AKAP12: variants seen among roughly 807,000 people sequenced by gnomAD.
AKAP12 encodes A-kinase anchoring protein 12.
A neutral mutation model predicts 79.9 loss-of-function variants in AKAP12; 32 were observed. The ratio of observed to expected loss-of-function variants is 0.40; its 90% CI spans 0.30 to 0.54. The LOEUF (loss-of-function observed/expected upper bound fraction) is 0.54. Ranked by LOEUF, AKAP12 falls within the 20% of genes least tolerant of loss-of-function variation. The pLI, the probability that AKAP12 is intolerant of heterozygous loss-of-function variation, is 0.48. For missense variants in AKAP12, 2,074 were observed against 2,177.0 expected (o/e 0.95, Z 0.94); for synonymous variants, 808 against 857.0 (o/e 0.94, Z 1.00).
intron 3 of AKAP12, among the ~76,000 whole-genome samples, chr6:151,334,909 C>T (rs1309111970): frequency 6.6e-6 from 1 of 152,084 alleles, no homozygotes; most frequent in African/African-American, 2.4e-5. Flanking sequence ...AGGCGTGAAC[C>T]GCCGCGCCCG....
intron 2 of AKAP12, among the ~76,000 whole-genome samples, chr6:151,264,429 G>T (rs1196891928): frequency 6.7e-6 from 1 of 150,180 alleles, no homozygotes; most frequent in Non-Finnish European, 1.5e-5. Context: ...CCAGCACTTT[G>T]GGAGGCCGAG....
rs1420648966 is a variant in AKAP12, at chr6:151,240,681, C to T, written c.119C>T (p.Thr40Ile). ...GGPSAEAAPDTTADPAIAASD... is the reference protein window; with the variant it reads ...GGPSAEAAPDITADPAIAASD... ...CCCTCGGCCGAGGCGGCGCCAGACACCACCGCGGACCCCGCCATCGCTGCC... is the reference window on the plus strand; with the variant it reads ...CCCTCGGCCGAGGCGGCGCCAGACATCACCGCGGACCCCGCCATCGCTGCC... Residue 40 changes from threonine to isoleucine, a missense_variant, in exon 2 of 5, where the codon ACC (threonine) becomes ATC (isoleucine). Physicochemically the swap from Thr to Ile is moderately conservative, Grantham distance 89. Transcript: ENST00000402676. The T allele has an allele frequency of 7.8e-7, 1 of 1,290,106 alleles. No individual in the cohort carries two copies. Among genetic ancestry groups the T allele is most frequent in the East Asian group, 3.2e-5 (1 of 31,646 alleles). 79.9% of individuals were successfully genotyped at this position (1,290,106 alleles called of 1,614,324 possible).
chr6:151,350,329 C>T lies in AKAP12; in HGVS notation c.1938C>T (p.Thr646=), dbSNP rs778301973. ...DKVKSATLSS[T]ESTASEMQEE... is the part of the protein sequence containing the mutation. ...TCAAGAGCGCTACCTTGTCTTCCAC[C>T]GAGAGCACAGCCTCTGAAATGCAAG... The change falls in exon 4 of 5, where the codon ACC becomes ACT. Residue 646 remains threonine, a synonymous_variant. Coordinates refer to ENST00000402676, the MANE Select transcript of AKAP12 (RefSeq NM_005100.4). This position sits in a 1 kb window ranked among gnomAD's most constrained non-coding sequence, Gnocchi z 4.8. 1.1e-5 allele frequency: 18 copies of T among 1,613,566 alleles called. No homozygotes were observed. Among genetic ancestry groups the T allele is most frequent in the Middle Eastern group, 1.6e-4 (1 of 6,084 alleles).
intron 3 of AKAP12, among the ~76,000 whole-genome samples, chr6:151,331,760 C>T (rs1335357069): frequency 6.6e-6 from 1 of 151,602 alleles, no homozygotes. Context: ...TGGCAGGCAC[C>T]TGTAGTCCCA....
chr6:151,348,006 T>C (rs143612067), intron 3 of AKAP12, among the ~76,000 whole-genome samples: 2,128 of 130,420 alleles, frequency 0.016, 43 homozygotes, highest in African/African-American at 0.052. Context: ...CCCGTCTCTA[T>C]ACTAAAAATA....
chr6:151,338,948 T>G (rs896900850), intron 3 of AKAP12, among the ~76,000 whole-genome samples: 90 of 152,230 alleles, frequency 5.9e-4, no homozygotes, highest in African/African-American at 2.1e-3. Context: ...ATTTAGCACT[T>G]TAGCACCCAT....
chr6:151,290,066 C>T (rs1037159914), intron 2 of AKAP12, among the ~76,000 whole-genome samples: 2 of 152,192 alleles, frequency 1.3e-5, no homozygotes, highest in Non-Finnish European at 1.5e-5. Context: ...TGGAAGCTTC[C>T]TTTTGAGACT....
intron 3 of AKAP12, among the ~76,000 whole-genome samples, chr6:151,342,469 A>T (rs565643196): frequency 2.6e-4 from 40 of 152,280 alleles, no homozygotes; most frequent in African/African-American, 8.9e-4. Context: ...TAGAAGCGGT[A>T]TTTTAGGAGG....
intron 2 of AKAP12, among the ~76,000 whole-genome samples, chr6:151,256,304 G>T (rs1170566714): frequency 6.6e-6 from 1 of 152,172 alleles, no homozygotes; most frequent in Non-Finnish European, 1.5e-5. Flanking sequence ...GAAATGGAAT[G>T]TGCATCTTTA....
chr6:151,352,773 A>T lies in AKAP12; in HGVS notation c.4382A>T (p.Asn1461Ile), dbSNP rs756294953. ...LVLEEKSSEK[N>I]EDFAAHPGED... is the part of the protein sequence containing the mutation. ...CTGGAAGAGAAATCCTCTGAAAAAA[A>T]TGAAGACTTTGCCGCTCATCCAGGG... The change falls in exon 4 of 5, where the codon AAT (asparagine) becomes ATT (isoleucine). Residue 1461 changes from asparagine (N) to isoleucine (I), a missense_variant. By Grantham distance (149) the Asn-to-Ile change is moderately radical. Transcript: ENST00000402676. 2.4e-5 allele frequency: 38 copies of T among 1,614,202 alleles called. No homozygotes were observed. The highest frequency in any genetic ancestry group is 3.2e-5 in the Non-Finnish European group (38 of 1,180,034).
chr6:151,321,727 T>C (rs533799679), intron 3 of AKAP12, among the ~76,000 whole-genome samples: 65 of 152,208 alleles, frequency 4.3e-4, no homozygotes, highest in African/African-American at 1.5e-3. Flanking sequence ...GGTCATATAA[T>C]AAATTTATGT....
chr6:151,331,802 A>G (rs952827076), intron 3 of AKAP12, among the ~76,000 whole-genome samples: 10 of 150,212 alleles, frequency 6.7e-5, no homozygotes, highest in African/African-American at 2.4e-4. Context: ...GGAGAATGGC[A>G]TGAACCTGGG....
intron 3 of AKAP12, among the ~76,000 whole-genome samples, chr6:151,343,230 C>T (rs79433520): frequency 0.034 from 5,110 of 152,136 alleles, 129 homozygotes; most frequent in East Asian, 0.14. Context: ...TTGTGTGACA[C>T]CAGCTTTCTA....
At chr6:151,354,608 G>T (rs532332651) in intron 4 of AKAP12, among the ~76,000 whole-genome samples, 1 of 152,032 alleles carries the variant, frequency 6.6e-6, no homozygotes, top group African/African-American at 2.4e-5. Context: ...TCCTGACCTC[G>T]TGATCCGCCC....
chr6:151,336,802 A>G (rs975437128), intron 3 of AKAP12, among the ~76,000 whole-genome samples: 1 of 152,170 alleles, frequency 6.6e-6, no homozygotes, highest in African/African-American at 2.4e-5. Flanking sequence ...TTTAATTTGC[A>G]TTTCTCTGAT....
intron 3 of AKAP12, among the ~76,000 whole-genome samples, chr6:151,335,783 C>T (rs1777797242): frequency 6.6e-6 from 1 of 152,020 alleles, no homozygotes; most frequent in Admixed American, 6.6e-5. Context: ...CCTTATTTTT[C>T]GTTTAGATTC....
intron 3 of AKAP12, among the ~76,000 whole-genome samples, chr6:151,327,377 TA>T (rs1777555974): frequency 6.6e-6 from 1 of 152,150 alleles, no homozygotes; most frequent in Non-Finnish European, 1.5e-5. Context: ...AAACTATTAA[TA>T]AATAGACTGT....
chr6:151,348,900 T>G lies in AKAP12; in HGVS notation c.509T>G (p.Ile170Ser). The G allele has an allele frequency of 6.2e-7, 1 of 1,613,968 alleles. No homozygotes were observed. Among genetic ancestry groups the G allele is most frequent in the Non-Finnish European group, 8.5e-7 (1 of 1,179,972 alleles). ...TQPTESQAND[I>S]GFKKVFKFVG... ...CCCACTGAGTCCCAGGCTAATGATA[T>G]TGGATTTAAGAAGGTGTTTAAGTTT... Residue 170 changes from isoleucine (I) to serine (S), a missense_variant, in exon 4 of 5, where the codon ATT becomes AGT. Physicochemically the swap from Ile to Ser is moderately radical, Grantham distance 142. Coordinates refer to ENST00000402676, the MANE Select transcript of AKAP12 (RefSeq NM_005100.4).
intron 3 of AKAP12, among the ~76,000 whole-genome samples, chr6:151,337,989 A>T (rs915540353): frequency 4.6e-5 from 7 of 152,222 alleles, no homozygotes; most frequent in Non-Finnish European, 8.8e-5. Context: ...GTGAGCCAAG[A>T]TGACGCCATG....
Sources: allele counts gnomAD v4.1 joint callset (sites outside exome capture counted in the v4.1 genomes callset), GRCh38; gene constraint gnomAD v4.1.1; non-coding constraint Gnocchi (gnomAD v3.1); transcripts MANE v1.5; gene names NCBI Gene and HGNC (gene_info 2026-07-23, HGNC 2026-07-21).